Variants in NFIA observed in about 807,000 individuals in gnomAD.
NFIA encodes the protein nuclear factor I A, also known as nuclear factor 1 A-type.
A neutral mutation model predicts 62.8 loss-of-function variants in NFIA; 8 were observed. That is an observed-to-expected ratio of 0.13 (90% CI 0.07 to 0.23). The LOEUF is 0.23. Among genes scored for constraint, NFIA ranks in the 10% least tolerant of loss-of-function variants. The pLI, the probability that NFIA is intolerant of heterozygous loss-of-function variation, is 1.00. For synonymous variants in NFIA, 235 were observed against 238.1 expected, an observed-to-expected ratio of 0.99 and a Z score of 0.12; for missense variants, 410 against 642.1, an observed-to-expected ratio of 0.64 and a Z score of 3.91.
At chr1:61,355,160 C>G (rs1439349334) in intron 5 of NFIA, among the ~76,000 whole-genome samples, 7 of 151,998 alleles carry the variant, frequency 4.6e-5, no homozygotes, top group Admixed American at 3.9e-4. Flanking sequence ...GAAAAAATTC[C>G]ACATACAAGA....
At chr1:61,170,416 G>A (rs1649872618) in intron 2 of NFIA, among the ~76,000 whole-genome samples, 1 of 152,078 alleles carries the variant, frequency 6.6e-6, no homozygotes, top group African/African-American at 2.4e-5. Context: ...AGGGCTCTTG[G>A]GCAAATTATG....
intron 2 of NFIA, among the ~76,000 whole-genome samples, chr1:61,271,306 C>A (rs1657489790): frequency 6.6e-6 from 1 of 152,178 alleles, no homozygotes; most frequent in Non-Finnish European, 1.5e-5. Flanking sequence ...TTGACTCACT[C>A]TTCAACTTAA....
intron 3 of NFIA, among the ~76,000 whole-genome samples, chr1:61,310,745 T>C (rs1660057444): frequency 6.7e-6 from 1 of 149,286 alleles, no homozygotes; most frequent in Admixed American, 6.7e-5. Context: ...TCTCATCCCC[T>C]CCTCCTGCTT....
chr1:61,175,289 G>A (rs1032560203), intron 2 of NFIA, among the ~76,000 whole-genome samples: 3 of 151,858 alleles, frequency 2.0e-5, no homozygotes, highest in Admixed American at 6.6e-5. Context: ...CTACAAGCTC[G>A]CACCACCACA....
chr1:61,352,526 A>G lies in NFIA; in HGVS notation c.777A>G (p.Pro259=), dbSNP rs1662599376. Residue 259 remains proline, a synonymous_variant, in exon 5 of 11, where the codon CCA becomes CCG. Coordinates refer to ENST00000403491, the MANE Select transcript of NFIA (RefSeq NM_001134673.4). ...GTTCTTCATACTACAGCATGAGTCC[A>G]GGAGCAATGAGGAGGTCTTTACCCA... ...LESSSYYSMS[P]GAMRRSLPST... 9 of 1,613,970 alleles carry G rather than the reference A, an allele frequency of 5.6e-6. No homozygotes were observed. Among genetic ancestry groups the G allele is most frequent in the Non-Finnish European group, 7.6e-6 (9 of 1,179,912 alleles).
At position 61,164,289 on chromosome 1, in the gene NFIA, A is replaced by G. The variant is rs144398565; in HGVS notation, c.559+75609A>G. ...GAAGGTAGGATAATGAAGGAGATAC[A>G]TTAGACTAGCCTTATTTATTCCATT... On this transcript the variant is annotated intron_variant, in intron 2 of 10. Transcript: ENST00000403491. 9.1e-3 allele frequency among the ~76,000 whole-genome samples: 1,388 copies of G among 152,284 alleles called. 17 individuals are homozygous for G. Among genetic ancestry groups the G allele is most frequent in the Middle Eastern group, 0.061 (18 of 294 alleles).
At chr1:61,082,404 C>T (rs1570107420), upstream of NFIA, 2 of 886,570 alleles carry the variant, frequency 2.3e-6, no homozygotes, top group Non-Finnish European at 2.7e-6. Context: ...GAGCGGGCGG[C>T]GGCTGTGCGG....
intron 2 of NFIA, among the ~76,000 whole-genome samples, chr1:61,095,312 G>A (rs886842552): frequency 6.6e-6 from 1 of 152,154 alleles, no homozygotes; most frequent in Non-Finnish European, 1.5e-5. Flanking sequence ...GCTTGCTGTC[G>A]CTTTCATAGC....
chr1:61,207,071 T>C (rs1045141871), intron 2 of NFIA, among the ~76,000 whole-genome samples: 1 of 152,150 alleles, frequency 6.6e-6, no homozygotes, highest in African/African-American at 2.4e-5. Context: ...AGTGGACTTG[T>C]GGAGGAGCTG....
chr1:61,165,730 T>A (rs1467013436), intron 2 of NFIA, among the ~76,000 whole-genome samples: 1 of 152,188 alleles, frequency 6.6e-6, no homozygotes, highest in Non-Finnish European at 1.5e-5. Context: ...TGGGTTTTCA[T>A]GATCTAGATG....
At chr1:61,133,982 C>T (rs982764072) in intron 2 of NFIA, among the ~76,000 whole-genome samples, 1 of 151,912 alleles carries the variant, frequency 6.6e-6, no homozygotes, top group African/African-American at 2.4e-5. Context: ...AAAAATTAGC[C>T]GGGCGTGGTG....
chr1:61,197,364 G>A (rs974990987), intron 2 of NFIA, among the ~76,000 whole-genome samples: 1 of 148,726 alleles, frequency 6.7e-6, no homozygotes, highest in African/African-American at 2.5e-5. Flanking sequence ...TCAGCCTCCT[G>A]AGTAGCTGGG....
At chr1:61,134,481 C>T (rs1341330174) in intron 2 of NFIA, among the ~76,000 whole-genome samples, 5 of 152,106 alleles carry the variant, frequency 3.3e-5, no homozygotes, top group Non-Finnish European at 7.4e-5. Context: ...GTCCATGTTA[C>T]TCTGTGGGAC....
intron 2 of NFIA, among the ~76,000 whole-genome samples, chr1:61,149,857 G>A (rs1300366483): frequency 3.9e-5 from 6 of 152,124 alleles, no homozygotes; most frequent in Admixed American, 3.9e-4. Flanking sequence ...TTTGACCACT[G>A]TTACTGCAAT....
chr1:61,440,276 A>G (rs1667516440), intron 10 of NFIA, among the ~76,000 whole-genome samples: 1 of 152,226 alleles, frequency 6.6e-6, no homozygotes, highest in African/African-American at 2.4e-5. Flanking sequence ...TCATTAACCA[A>G]GTTAAGGGGA....
At chr1:61,246,202 T>C (rs1655638592) in intron 2 of NFIA, among the ~76,000 whole-genome samples, 1 of 152,164 alleles carries the variant, frequency 6.6e-6, no homozygotes, top group Non-Finnish European at 1.5e-5. Flanking sequence ...CTAATAATAA[T>C]GCTGTTTAAA....
At chr1:61,397,649 G>A (rs997561551) in intron 7 of NFIA, among the ~76,000 whole-genome samples, 1 of 152,142 alleles carries the variant, frequency 6.6e-6, no homozygotes, top group Admixed American at 6.6e-5. Flanking sequence ...TCACAACAGC[G>A]CTATGAGGTA....
chr1:61,128,713 A>G (rs895133146), intron 2 of NFIA, among the ~76,000 whole-genome samples: 17 of 152,278 alleles, frequency 1.1e-4, no homozygotes, highest in African/African-American at 4.1e-4. Context: ...TGGCTTGCAT[A>G]AAATGGACAT....
At position 61,408,631 on chromosome 1, in the gene NFIA, G is replaced by A. The variant is rs550116284; in HGVS notation, c.1420+1904G>A. 6.6e-5 allele frequency among the ~76,000 whole-genome samples: 10 copies of A among 152,278 alleles called. 1 individual carries two copies. In the South Asian group the frequency reaches 1.7e-3, roughly 25 times the overall value. On this transcript the variant is annotated intron_variant, in intron 9 of 10. Transcript: ENST00000403491. ...TCCTCACCTCCACTCTCAATGGCTCGTGTGTCCTAATGAGTTTTTCAGTAA... is the reference window on the plus strand; with the variant it reads ...TCCTCACCTCCACTCTCAATGGCTCATGTGTCCTAATGAGTTTTTCAGTAA...
Sources: allele counts gnomAD v4.1 joint callset (sites outside exome capture counted in the v4.1 genomes callset), GRCh38; gene constraint gnomAD v4.1.1; transcripts MANE v1.5; gene names NCBI Gene and HGNC (gene_info 2026-07-23, HGNC 2026-07-21).